The following SVEP1 variants were observed in gnomAD, a reference collection of about 807,000 sequenced individuals.
SVEP1 encodes the protein sushi, von Willebrand factor type A, EGF and pentraxin domain-containing protein 1.
In SVEP1, 164 loss-of-function variants were observed where a neutral mutation model predicts 367.3. That is an observed-to-expected ratio of 0.45 (90% confidence interval 0.39 to 0.51). The LOEUF is 0.51. SVEP1 is among the 20% of genes least tolerant of loss of function. The pLI is 0.00. For missense variants in SVEP1, 4,117 were observed against 4,425.3 expected (o/e 0.93, Z 1.98); for synonymous variants, 1,666 against 1,611.6 (o/e 1.03, Z -0.81).
At chr9:110,469,235 G>A in intron 16 of SVEP1, 134 bp from the exon 17 acceptor site, 1 of 822,676 alleles carries the variant, frequency 1.2e-6, no homozygotes, top group Non-Finnish European at 1.8e-6. Flanking sequence ...TTTATGGCCA[G>A]AGGCTTATTC....
At chr9:110,557,586 A>G (rs996519791) in intron 1 of SVEP1, among the ~76,000 whole-genome samples, 2 of 151,786 alleles carry the variant, frequency 1.3e-5, no homozygotes, top group Non-Finnish European at 2.9e-5. Context: ...TATTTAGCAG[A>G]AAATTTTCAA....
intron 3 of SVEP1, among the ~76,000 whole-genome samples, chr9:110,521,427 A>G (rs1323436237): frequency 6.6e-6 from 1 of 152,190 alleles, no homozygotes; most frequent in Non-Finnish European, 1.5e-5. Context: ...CCATATTGCA[A>G]ATGTAAGCAC....
At chr9:110,547,133 C>T (rs1310463166) in intron 2 of SVEP1, among the ~76,000 whole-genome samples, 2 of 152,038 alleles carry the variant, frequency 1.3e-5, no homozygotes, top group Non-Finnish European at 2.9e-5. Context: ...GTGGTAGACT[C>T]AAATATAGAA....
chr9:110,488,226 T>A (rs921631198), intron 9 of SVEP1, among the ~76,000 whole-genome samples: 2 of 151,968 alleles, frequency 1.3e-5, no homozygotes, highest in Non-Finnish European at 1.5e-5. Context: ...ATAATTTAGG[T>A]TTAGGTGAGT....
At chr9:110,559,475 A>G (rs1158212046) in intron 1 of SVEP1, among the ~76,000 whole-genome samples, 1 of 152,172 alleles carries the variant, frequency 6.6e-6, no homozygotes, top group Admixed American at 6.5e-5. Context: ...AAAAATGTTT[A>G]ACTTCATTAA....
At chr9:110,398,251 C>T (rs1827800121) in intron 40 of SVEP1, among the ~76,000 whole-genome samples, 1 of 152,100 alleles carries the variant, frequency 6.6e-6, no homozygotes, top group African/African-American at 2.4e-5. Flanking sequence ...AAAGGATTCC[C>T]TATTTAATAA....
At chr9:110,486,778 G>T (rs1303478332) in intron 9 of SVEP1, among the ~76,000 whole-genome samples, 1 of 151,970 alleles carries the variant, frequency 6.6e-6, no homozygotes, top group Admixed American at 6.6e-5. Flanking sequence ...CTGAATAGCT[G>T]AGAATACAGG....
At chr9:110,572,112 T>C (rs974467229) in intron 1 of SVEP1, among the ~76,000 whole-genome samples, 1 of 70,098 alleles carries the variant, frequency 1.4e-5, no homozygotes, top group East Asian at 2.6e-3. Context: ...TAGTAAGATA[T>C]AGGAAAAGAG....
At chr9:110,566,423 G>T (rs1333845965) in intron 1 of SVEP1, among the ~76,000 whole-genome samples, 1 of 151,998 alleles carries the variant, frequency 6.6e-6, no homozygotes, top group Non-Finnish European at 1.5e-5. Context: ...AAATTCATAT[G>T]GGTAAAGTGC....
intron 1 of SVEP1, among the ~76,000 whole-genome samples, chr9:110,552,635 C>T (rs540455929): frequency 1.3e-5 from 2 of 152,160 alleles, no homozygotes; most frequent in East Asian, 3.9e-4. Flanking sequence ...CCCTCGCATA[C>T]AGTTCACAAT....
chr9:110,468,287 AAAAT>A (rs964001462), intron 17 of SVEP1, among the ~76,000 whole-genome samples: 127 of 152,360 alleles, frequency 8.3e-4, no homozygotes, highest in African/African-American at 2.9e-3. Flanking sequence ...AAAGAAAGAA[AAAAT>A]AAATAAAATT....
intron 16 of SVEP1, among the ~76,000 whole-genome samples, chr9:110,469,622 C>A (rs1828987011): frequency 6.6e-6 from 1 of 152,136 alleles, no homozygotes; most frequent in Admixed American, 6.5e-5. Context: ...CAACATTAAA[C>A]TGAAAAGCCT....
In SVEP1 at chr9:110,385,973, A is replaced by G. The variant is rs376275445; in HGVS notation, c.10162T>C (p.Phe3388Leu). 6 of 1,613,708 alleles carry G rather than the reference A, an allele frequency of 3.7e-6. No homozygotes were observed. Among genetic ancestry groups the G allele is most frequent in the Non-Finnish European group, 4.2e-6 (5 of 1,179,816 alleles). ...ATGATGCCGTGGCCCTGCAGCAGAA[A>G]ACCTTCCCTACATTTGATGGACACA... ...QNVSIKCREG[F>L]LLQGHGIITC... is the part of the protein sequence containing the mutation. The change falls in exon 43 of 48, where the codon TTT (phenylalanine) becomes CTT (leucine). Residue 3388 changes from phenylalanine to leucine, a missense_variant. By Grantham distance (22) the Phe-to-Leu change is conservative. Around this residue, in one of 4 missense-constraint regions of SVEP1, gnomAD observed 1,765 missense variants for 1,781.1 expected, o/e 0.99. Coordinates refer to ENST00000374469, the MANE Select transcript of SVEP1 (RefSeq NM_153366.4).
At chr9:110,433,465 CTTTTTT>C (rs11300153) in intron 30 of SVEP1, among the ~76,000 whole-genome samples, 4 of 119,992 alleles carry the variant, frequency 3.3e-5, no homozygotes, top group East Asian at 2.4e-4. Context: ...TTTTGTATTA[CTTTTTT>C]TTTTTTTTTT....
At chr9:110,562,400 A>G (rs1334299048) in intron 1 of SVEP1, among the ~76,000 whole-genome samples, 2 of 152,178 alleles carry the variant, frequency 1.3e-5, no homozygotes, top group African/African-American at 4.8e-5. Flanking sequence ...AAATTCCTAT[A>G]CAATATGATC....
intron 9 of SVEP1, among the ~76,000 whole-genome samples, chr9:110,487,146 G>A (rs1453490248): frequency 6.6e-6 from 1 of 152,084 alleles, no homozygotes; most frequent in Non-Finnish European, 1.5e-5. Context: ...AGTAGAGATG[G>A]GGTTTCTTCA....
rs1828330096 is a variant in SVEP1, at chr9:110,430,222, A to G, written c.5530+52T>C. ...ATAACACTTCATATGTCTACGCCTT[A>G]CCTTTCTAGGATTGCCAAACATAAG... is the stretch of plus-strand genomic sequence containing the variant. On this transcript the variant is annotated intron_variant, in intron 33 of 47. Coordinates refer to ENST00000374469, the MANE Select transcript of SVEP1 (RefSeq NM_153366.4). 11 of 1,547,168 alleles carry G rather than the reference A, an allele frequency of 7.1e-6. No homozygotes were observed. The South Asian group carries it at 9.6e-5, about 13-fold the overall frequency.
intron 14 of SVEP1, among the ~76,000 whole-genome samples, chr9:110,475,135 A>G (rs141747325): frequency 3.9e-5 from 6 of 152,242 alleles, no homozygotes; most frequent in African/African-American, 1.2e-4. Context: ...TAAAAATTGT[A>G]TAATAAACAT....
At position 110,407,093 on chromosome 9, in the gene SVEP1, G is replaced by A; in HGVS notation, c.8507C>T (p.Pro2836Leu). 6.2e-7 allele frequency: 1 copy of A among 1,613,958 alleles called. No individual in the cohort carries two copies. The change falls in exon 38 of 48, where the codon CCC (proline) becomes CTC (leucine). Residue 2836 changes from proline to leucine, a missense_variant. Pro to Leu is a moderately conservative substitution (Grantham distance 98, BLOSUM62 -3). This residue lies in a region of SVEP1 where 1,765 missense variants were observed against 1,781.1 expected (regional missense o/e 0.99). Transcript: ENST00000374469. ...CACCTGGCCATTGGCTGAGACTGGGGGTGAACTGCAGTCCACAGGAATGCA... is the reference window on the plus strand; with the variant it reads ...CACCTGGCCATTGGCTGAGACTGGGAGTGAACTGCAGTCCACAGGAATGCA... ...PICIPVDCSSPPVSANGQVRG... is the reference protein window; with the variant it reads ...PICIPVDCSSLPVSANGQVRG...
Sources: gnomAD v4.1 joint callset for allele counts (sites outside exome capture counted in the v4.1 genomes callset) on GRCh38, gnomAD v4.1.1 for gene constraint, gnomAD v4.1.1 regional missense constraint, MANE v1.5 for transcripts, NCBI Gene and HGNC (gene_info 2026-07-23, HGNC 2026-07-21) for gene names.